The following CUBN variants were observed in gnomAD, a reference collection of about 807,000 sequenced individuals.
CUBN encodes the protein cubilin.
A neutral mutation model predicts 405.3 loss-of-function variants in CUBN; 282 were observed. That is an observed-to-expected ratio of 0.70 (90% confidence interval 0.63 to 0.77). CUBN has a LOEUF of 0.77. Among genes scored for constraint, CUBN ranks in the 30% least tolerant of loss-of-function variants. The pLI is 0.00. For missense variants in CUBN, 4,514 were observed against 4,475.2 expected (o/e 1.01, Z -0.25); for synonymous variants, 1,684 against 1,617.0 (o/e 1.04, Z -0.99).
chr10:16,839,002 A>C (rs1397176215), intron 62 of CUBN, among the ~76,000 whole-genome samples: 3 of 152,142 alleles, frequency 2.0e-5, no homozygotes, highest in African/African-American at 7.2e-5. Flanking sequence ...GACTAGTGCC[A>C]AACAGCCTCT....
At chr10:17,126,888 C>A in intron 3 of CUBN, 89 bp from the exon 4 acceptor site, 1 of 1,302,286 alleles carries the variant, frequency 7.7e-7, no homozygotes, top group Non-Finnish European at 1.1e-6. Flanking sequence ...TCCTAATGCC[C>A]TCTGCTAGGG....
intron 63 of CUBN, 85 bp from the exon 64 acceptor site, chr10:16,835,280 A>T: frequency 8.5e-7 from 1 of 1,178,342 alleles, no homozygotes; most frequent in Non-Finnish European, 1.3e-6. Flanking sequence ...CAAAAAGATC[A>T]TTGCATTTGA....
intron 13 of CUBN, among the ~76,000 whole-genome samples, chr10:17,100,890 A>G (rs1181204903): frequency 6.6e-6 from 1 of 152,214 alleles, no homozygotes; most frequent in Non-Finnish European, 1.5e-5. Flanking sequence ...GAATAACAGG[A>G]AAAATACTGA....
Position 17,054,629 on chromosome 10 carries a change from G to C in CUBN, c.3140-7026C>G, listed in dbSNP as rs115952665. Among the ~76,000 whole-genome samples, 12 of 152,018 alleles carry C rather than the reference G, an allele frequency of 7.9e-5. No homozygotes were observed. In the East Asian group the frequency reaches 2.3e-3, roughly 29 times the overall value. On this transcript the variant is annotated intron_variant, in intron 22 of 66. Transcript: ENST00000377833. ...ACAAATTACCATTTTCAGGAATGAA[G>C]AGGGGATGTCACTATAGAATCTTCA...
At chr10:16,905,817 T>C (rs541923130) in intron 50 of CUBN, among the ~76,000 whole-genome samples, 6 of 152,204 alleles carry the variant, frequency 3.9e-5, no homozygotes, top group East Asian at 3.9e-4. Flanking sequence ...TCCAAGCATA[T>C]GAAGAATATT....
chr10:16,861,061 T>C (rs1839997841), intron 59 of CUBN, among the ~76,000 whole-genome samples: 1 of 152,142 alleles, frequency 6.6e-6, no homozygotes, highest in African/African-American at 2.4e-5. Context: ...CCCCAAAGCA[T>C]TACCAATGTT....
chr10:16,875,741 C>T (rs72771384), intron 57 of CUBN, among the ~76,000 whole-genome samples: 220 of 152,300 alleles, frequency 1.4e-3, no homozygotes, highest in Middle Eastern at 3.4e-3. Context: ...TTCACATCAA[C>T]GACACTCTTT....
intron 60 of CUBN, 60 bp from the exon 61 acceptor site, chr10:16,841,107 C>G (rs868810367): frequency 6.7e-7 from 1 of 1,501,182 alleles, no homozygotes. Context: ...ATATTTCACA[C>G]TAAATTGGAC....
chr10:16,991,038 A>G (rs994301835), intron 28 of CUBN, among the ~76,000 whole-genome samples: 9 of 147,058 alleles, frequency 6.1e-5, no homozygotes, highest in African/African-American at 2.2e-4. Flanking sequence ...AGTAAATTAT[A>G]TAGTTCCTAA....
intron 31 of CUBN, among the ~76,000 whole-genome samples, chr10:16,956,234 T>C (rs1260256232): frequency 6.6e-6 from 1 of 152,098 alleles, no homozygotes; most frequent in African/African-American, 2.4e-5. Flanking sequence ...TCTGAGGAGC[T>C]AAAGCTCTTA....
intron 31 of CUBN, among the ~76,000 whole-genome samples, chr10:16,961,876 T>G (rs1171000835): frequency 1.3e-5 from 2 of 151,982 alleles, no homozygotes; most frequent in Non-Finnish European, 2.9e-5. Context: ...TACGCCTGGC[T>G]AATTTTTTTG....
intron 27 of CUBN, among the ~76,000 whole-genome samples, chr10:17,039,544 G>C (rs1217786544): frequency 6.6e-6 from 1 of 151,866 alleles, no homozygotes; most frequent in East Asian, 1.9e-4. Flanking sequence ...ATAAACAAAG[G>C]GCTTTGAAAG....
intron 45 of CUBN, among the ~76,000 whole-genome samples, chr10:16,918,197 C>A (rs113532784): frequency 1.3e-5 from 2 of 152,156 alleles, no homozygotes; most frequent in African/African-American, 2.4e-5. Context: ...TACTGTAGCC[C>A]TGTAGTATAG....
intron 9 of CUBN, among the ~76,000 whole-genome samples, chr10:17,110,345 C>T (rs1836742429): frequency 6.6e-6 from 1 of 152,178 alleles, no homozygotes; most frequent in Non-Finnish European, 1.5e-5. Flanking sequence ...GTGATCCACT[C>T]AGAAAACTTT....
chr10:16,840,751 A>T, intron 61 of CUBN, 134 bp downstream of exon 61: 1 of 886,382 alleles, frequency 1.1e-6, no homozygotes, highest in Non-Finnish European at 1.8e-6. Context: ...AGCAATTGAC[A>T]TTGAGTTTAG....
At chr10:16,894,003 T>C (rs2131407524) in intron 54 of CUBN, among the ~76,000 whole-genome samples, 1 of 152,322 alleles carries the variant, frequency 6.6e-6, no homozygotes, top group Non-Finnish European at 1.5e-5. Context: ...ACATCTTTTC[T>C]GGTATTTATC....
At chr10:16,899,786 G>T (rs1253925368) in intron 53 of CUBN, among the ~76,000 whole-genome samples, 1 of 152,148 alleles carries the variant, frequency 6.6e-6, no homozygotes, top group Non-Finnish European at 1.5e-5. Context: ...GAAACCCCTG[G>T]AAATCAGGGA....
chr10:17,068,523 T>G, intron 20 of CUBN, 82 bp downstream of exon 20: 1 of 1,276,658 alleles, frequency 7.8e-7, no homozygotes, highest in Non-Finnish European at 1.1e-6. Flanking sequence ...GTACAGATGA[T>G]TTTCATATAA....
At chr10:16,901,673 G>A (rs910447203) in intron 51 of CUBN, among the ~76,000 whole-genome samples, 11 of 151,774 alleles carry the variant, frequency 7.2e-5, no homozygotes, top group Admixed American at 2.0e-4. Context: ...GGCCAACATG[G>A]TGAAACCCCA....
Sources: gnomAD v4.1 joint callset for allele counts (sites outside exome capture counted in the v4.1 genomes callset) on GRCh38, gnomAD v4.1.1 for gene constraint, MANE v1.5 for transcripts, NCBI Gene and HGNC (gene_info 2026-07-23, HGNC 2026-07-21) for gene names.